TIAL1: variants seen among roughly 807,000 people sequenced by gnomAD.
TIAL1 encodes nucleolysin TIAR.
TIAL1 carries 7 observed loss-of-function variants against 59.7 expected under a neutral mutation model. That is an observed-to-expected ratio of 0.12 (90% CI 0.07 to 0.22). The LOEUF (loss-of-function observed/expected upper bound fraction) is 0.22. Ranked by LOEUF, TIAL1 falls within the 10% of genes least tolerant of loss-of-function variation. The pLI is 1.00. For synonymous variants in TIAL1, 149 were observed against 146.3 expected (o/e 1.02, Z -0.13); for missense variants, 225 against 462.5 (o/e 0.49, Z 4.71).
Position 119,577,493 on chromosome 10 carries a change from A to G in TIAL1, c.695T>C (p.Met232Thr). Residue 232 changes from methionine to threonine, a missense_variant, in exon 9 of 12, where the codon ATG becomes ACG. By Grantham distance (81) the Met-to-Thr change is moderately conservative. Transcript: ENST00000436547. ...RQTFSPFGQIMEIRVFPEKGY... is the reference protein window; with the variant it reads ...RQTFSPFGQITEIRVFPEKGY... ...CTTTTCTGGGAAAACTCTTATTTCCATAATTTGTCCAAATGGTGAGAATGT... is the reference window on the plus strand; with the variant it reads ...CTTTTCTGGGAAAACTCTTATTTCCGTAATTTGTCCAAATGGTGAGAATGT... 6.2e-7 allele frequency: 1 copy of G among 1,614,002 alleles called. No individual in the cohort carries two copies. The highest frequency in any genetic ancestry group is 8.5e-7 in the Non-Finnish European group (1 of 1,179,960).
chr10:119,589,077 G>A (rs1280791849), intron 1 of TIAL1, among the ~76,000 whole-genome samples: 2 of 152,166 alleles, frequency 1.3e-5, no homozygotes, highest in Non-Finnish European at 2.9e-5. Flanking sequence ...CATACAGAGG[G>A]TGGAGGGTTT....
intron 1 of TIAL1, among the ~76,000 whole-genome samples, chr10:119,594,799 G>GT (rs1051353167): frequency 9.9e-5 from 15 of 151,992 alleles, no homozygotes; most frequent in Non-Finnish European, 2.1e-4. Context: ...TAATTTTTGT[G>GT]TTTTTTGTAG....
At chr10:119,595,083 T>C (rs1846092099) in intron 1 of TIAL1, among the ~76,000 whole-genome samples, 1 of 152,186 alleles carries the variant, frequency 6.6e-6, no homozygotes, top group Non-Finnish European at 1.5e-5. Context: ...GGACGGATAC[T>C]TCAGTGAGAC....
intron 1 of TIAL1, among the ~76,000 whole-genome samples, chr10:119,591,645 A>G (rs1845886862): frequency 6.6e-6 from 1 of 152,234 alleles, no homozygotes; most frequent in Non-Finnish European, 1.5e-5. Flanking sequence ...GCAGCAAACT[A>G]AATTTCAAAA....
intron 1 of TIAL1, among the ~76,000 whole-genome samples, chr10:119,592,712 A>G (rs1845943939): frequency 1.3e-5 from 2 of 152,182 alleles, no homozygotes; most frequent in African/African-American, 4.8e-5. Context: ...ATGATGGAAG[A>G]TAGCTGCAGG....
At chr10:119,591,806 T>A (rs1845894704) in intron 1 of TIAL1, among the ~76,000 whole-genome samples, 1 of 152,256 alleles carries the variant, frequency 6.6e-6, no homozygotes, top group African/African-American at 2.4e-5. Context: ...AAATTTCAGA[T>A]TGCCTCTTCA....
At chr10:119,588,655 C>A (rs887502529) in intron 1 of TIAL1, among the ~76,000 whole-genome samples, 1 of 152,170 alleles carries the variant, frequency 6.6e-6, no homozygotes, top group East Asian at 1.9e-4. Context: ...CCTTTTATTT[C>A]ATTTTAACTT....
At chr10:119,588,491 A>C in intron 1 of TIAL1, 1 of 264,466 alleles carries the variant, frequency 3.8e-6, no homozygotes, top group Non-Finnish European at 7.1e-6. Flanking sequence ...TTACAGGCGC[A>C]TGCCACCATG....
chr10:119,588,635 C>T (rs375469468), intron 1 of TIAL1, among the ~76,000 whole-genome samples: 29 of 152,288 alleles, frequency 1.9e-4, no homozygotes, highest in Middle Eastern at 3.4e-3. Context: ...TGAGCCACTG[C>T]GCCCGGCCAC....
chr10:119,577,338 C>T (rs1466250215), intron 9 of TIAL1, 113 bp downstream of exon 9: 11 of 1,433,088 alleles, frequency 7.7e-6, no homozygotes, highest in African/African-American at 4.3e-5. Context: ...GTAGCTTAAA[C>T]TTCTATACTG....
intron 8 of TIAL1, 44 bp downstream of exon 8, chr10:119,577,596 AG>A (rs1238124706): frequency 3.6e-5 from 58 of 1,606,860 alleles, no homozygotes; most frequent in East Asian, 2.7e-4. Flanking sequence ...TCATATGAAC[AG>A]TGATGAAGCT....
At position 119,577,444 on chromosome 10, in the gene TIAL1, G is replaced by C; in HGVS notation, c.737+7C>G. On this transcript the variant is annotated splice_region_variant and intron_variant, in intron 9 of 11. Coordinates refer to ENST00000436547, the MANE Select transcript of TIAL1 (RefSeq NM_003252.4). The stretch of plus-strand genomic sequence containing the variant: ...GAGTAATAATGATATTTCAAGTAGA[G>C]TGTTACCTGACAAATGAATAGCCCT... 6.2e-7 allele frequency: 1 copy of C among 1,603,678 alleles called. No homozygotes were observed. Among genetic ancestry groups the C allele is most frequent in the Non-Finnish European group, 8.5e-7 (1 of 1,171,370 alleles).
chr10:119,596,258 G>A (rs1846183344), intron 1 of TIAL1, among the ~76,000 whole-genome samples, 176 bp downstream of exon 1: 1 of 152,182 alleles, frequency 6.6e-6, no homozygotes, highest in Non-Finnish European at 1.5e-5. Flanking sequence ...GGGGAAGGGA[G>A]GATTTCCTTC....
chr10:119,596,870 C>T lies in TIAL1; in HGVS notation c.-405G>A, dbSNP rs7919868. 0.27 allele frequency: 57,530 copies of T among 214,758 alleles called. 8,612 individuals carry two copies. The highest frequency in any genetic ancestry group is 0.61 in the East Asian group (4,791 of 7,856). The allele number at this position is 214,758 out of a possible 1,614,324, so 13.3% of individuals were successfully genotyped here. On this transcript the variant is annotated 5_prime_UTR_variant, in exon 1 of 12. Transcript: ENST00000436547. The stretch of plus-strand genomic sequence containing the variant: ...GGCCTCTGGCCGGCCGAAGCCCAGC[C>T]AGCTCCGGGAGAGATCGGGCAAAAA...
At chr10:119,588,340 TTTCTTTCTTTC>T in intron 1 of TIAL1, 92 bp from the exon 2 acceptor site, 2 of 648,256 alleles carry the variant, frequency 3.1e-6, no homozygotes, top group Non-Finnish European at 2.4e-6. Context: ...TCTTTCTTTC[TTTCTTTCTTTC>T]TTTTTTTTTT....
chr10:119,578,690 A>C, intron 7 of TIAL1, 36 bp downstream of exon 7: 1 of 1,487,024 alleles, frequency 6.7e-7, no homozygotes. Context: ...TTTTGTGAAG[A>C]ATATAATTTT....
At chr10:119,591,170 G>T (rs1281794752) in intron 1 of TIAL1, among the ~76,000 whole-genome samples, 1 of 152,020 alleles carries the variant, frequency 6.6e-6, no homozygotes, top group African/African-American at 2.4e-5. Flanking sequence ...CTGGGAAGCC[G>T]AGGCAGGTGG....
chr10:119,579,971 G>T lies in TIAL1; in HGVS notation c.411C>A (p.Ser137=). ...RVVKDMATGK[S]KGYGFVSFYN... ...AAAAAGATACAAAACCATAGCCTTT[G>T]GATTTTCCAGTTGCCATGTCTTTAA... The change falls in exon 6 of 12, where the codon TCC becomes TCA. Residue 137 remains serine (S), a synonymous_variant. Coordinates refer to ENST00000436547, the MANE Select transcript of TIAL1 (RefSeq NM_003252.4). The T allele has an allele frequency of 6.2e-7, 1 of 1,610,816 alleles. No individual in the cohort carries two copies. Among genetic ancestry groups the T allele is most frequent in the Non-Finnish European group, 8.5e-7 (1 of 1,178,646 alleles).
At chr10:119,593,713 T>G (rs1458536122) in intron 1 of TIAL1, among the ~76,000 whole-genome samples, 1 of 152,216 alleles carries the variant, frequency 6.6e-6, no homozygotes, top group African/African-American at 2.4e-5. Flanking sequence ...TCAGTTTTCA[T>G]CATGTTACTT....
Sources: allele counts gnomAD v4.1 joint callset (sites outside exome capture counted in the v4.1 genomes callset), GRCh38; gene constraint gnomAD v4.1.1; transcripts MANE v1.5; gene names NCBI Gene and HGNC (gene_info 2026-07-23, HGNC 2026-07-21).